The following MID1 variants were observed in gnomAD, a reference collection of about 807,000 sequenced individuals.
MID1 encodes the protein E3 ubiquitin-protein ligase Midline-1.
Under a neutral mutation model 40.4 loss-of-function variants are expected in MID1, and 7 were observed. That is an observed-to-expected ratio of 0.17 (90% CI 0.10 to 0.33). MID1 has a LOEUF of 0.33. Ranked by LOEUF, MID1 falls within the 10% of genes least tolerant of loss-of-function variation. The probability of loss-of-function intolerance (pLI) is 1.00; values close to 1 mark genes in which losing one functional copy is unlikely to be tolerated. For synonymous variants in MID1, 229 were observed against 221.2 expected, an observed-to-expected ratio of 1.04 and a Z score of -0.31; for missense variants, 367 against 558.5, an observed-to-expected ratio of 0.66 and a Z score of 3.46.
In MID1 at chrX:10,508,689, A is replaced by G. The variant is rs188441037; in HGVS notation, c.757-12998T>C. 4.5e-5 allele frequency among the ~76,000 whole-genome samples: 5 copies of G among 111,838 alleles called. 1 individual carries two copies. The Admixed American group carries it at 4.7e-4, about 11-fold the overall frequency. On this transcript the variant is annotated intron_variant, in intron 3 of 9. Coordinates refer to ENST00000317552, the MANE Select transcript of MID1 (RefSeq NM_000381.4). ...AAAAGGCACCAGGGAAGAGAGGCAAAAGAACATTTTTGCAAGACAGAGGAA... is the reference window on the plus strand; with the variant it reads ...AAAAGGCACCAGGGAAGAGAGGCAAGAGAACATTTTTGCAAGACAGAGGAA...
intron 1 of MID1, among the ~76,000 whole-genome samples, chrX:10,702,788 G>T (rs151047992): frequency 8.9e-6 from 1 of 112,094 alleles, no homozygotes. Context: ...ACCCCCAGTG[G>T]GGTTGTATTG....
At chrX:10,803,501 C>G (rs1404185041) in intron 1 of MID1, among the ~76,000 whole-genome samples, 1 of 109,528 alleles carries the variant, frequency 9.1e-6, no homozygotes, top group Non-Finnish European at 1.9e-5. Flanking sequence ...TTCCGGCATG[C>G]ACCACCACGC....
At chrX:10,765,937 GGAAAGGAAAGAAAGAAAGAAAGAAAGAAA>G (rs2043720734) in intron 1 of MID1, among the ~76,000 whole-genome samples, 2 of 72,203 alleles carry the variant, frequency 2.8e-5, no homozygotes, top group East Asian at 3.9e-4. Flanking sequence ...GGAAAGGAAA[GGAAAGGAAAGAAAGAAAGAAAGAAAGAAA>G]GAAAGAAAGA....
intron 3 of MID1, chrX:10,505,331 C>T (rs1931776391): frequency 1.3e-6 from 1 of 752,491 alleles, no homozygotes; most frequent in Non-Finnish European, 1.6e-6. Flanking sequence ...AATATCACAG[C>T]CTTTTCTTTT....
At chrX:10,591,382 C>T (rs1182857158) in intron 1 of MID1, among the ~76,000 whole-genome samples, 3 of 112,511 alleles carry the variant, frequency 2.7e-5, no homozygotes, top group Non-Finnish European at 5.6e-5. Flanking sequence ...TAGTTCCGAA[C>T]AATTCTGCCA....
intron 2 of MID1, among the ~76,000 whole-genome samples, chrX:10,540,824 G>A (rs1320085357): frequency 8.9e-6 from 1 of 112,015 alleles, no homozygotes; most frequent in East Asian, 2.8e-4. Context: ...TCAAAGCACC[G>A]AACACAGTAT....
intron 1 of MID1, among the ~76,000 whole-genome samples, chrX:10,774,736 T>G (rs773246461): frequency 8.1e-5 from 9 of 111,485 alleles, no homozygotes; most frequent in African/African-American, 2.3e-4. Flanking sequence ...CTAAAATTAA[T>G]GTACCTTGAA....
Position 10,763,769 on chromosome X carries a change from G to T in MID1, c.-187+69785C>A, listed in dbSNP as rs759831161. Among the ~76,000 whole-genome samples, 222 of 111,534 alleles carry T rather than the reference G, an allele frequency of 2.0e-3. 2 individuals carry two copies. The highest frequency in any genetic ancestry group is 6.8e-3 in the African/African-American group (209 of 30,640). ...GTCTTCCACAATGGTTGAACTAGTT[G>T]ACAGTCCCACCAACAGTGTAAAAGT... On this transcript the variant is annotated intron_variant, in intron 1 of 10. Coordinates refer to the MID1 transcript ENST00000380785.
At chrX:10,484,819 G>A (rs1930529291) in intron 4 of MID1, among the ~76,000 whole-genome samples, 1 of 111,687 alleles carries the variant, frequency 9.0e-6, no homozygotes, top group Admixed American at 9.5e-5. Flanking sequence ...GGACAGTCAG[G>A]ACTAGCCTTT....
rs371728204 is a variant in MID1 at position 10,526,292 on chromosome X, TAAC to T, written c.661-3108_661-3106del. Among the ~76,000 whole-genome samples the T allele has an allele frequency of 5.5e-3, 604 of 110,220 alleles. 4 individuals are homozygous for T. Among genetic ancestry groups the T allele is most frequent in the African/African-American group, 0.019 (561 of 30,210 alleles). On this transcript the variant is annotated intron_variant, in intron 2 of 9. Coordinates refer to ENST00000317552, the MANE Select transcript of MID1 (RefSeq NM_000381.4). Reference sequence around the variant, plus strand: ...CTTGCATCAAAGAAAAACTTGCTTTTAACAACAACAACAACAACAACAAAAGCC... The same window carrying T: ...CTTGCATCAAAGAAAAACTTGCTTTTAACAACAACAACAACAACAAAAGCC...
intron 1 of MID1, among the ~76,000 whole-genome samples, chrX:10,690,004 T>A (rs767507971): frequency 3.3e-4 from 34 of 102,496 alleles, no homozygotes; most frequent in Non-Finnish European, 6.3e-4. Context: ...AAATTTGGAG[T>A]GCTTGTTAAC....
chrX:10,766,639 G>C (rs1388048360), intron 1 of MID1, among the ~76,000 whole-genome samples: 2 of 111,932 alleles, frequency 1.8e-5, no homozygotes, highest in Non-Finnish European at 3.8e-5. Flanking sequence ...ACTGGGTAGG[G>C]CTGGACATGG....
At chrX:10,679,414 A>T (rs1177938189) in intron 1 of MID1, among the ~76,000 whole-genome samples, 2 of 111,941 alleles carry the variant, frequency 1.8e-5, no homozygotes, top group African/African-American at 6.5e-5. Flanking sequence ...CAGACGTGAG[A>T]TTCCTGTAGG....
At chrX:10,564,998 G>C (rs1253792172) in intron 2 of MID1, among the ~76,000 whole-genome samples, 12 of 26,059 alleles carry the variant, frequency 4.6e-4, no homozygotes, top group African/African-American at 1.5e-3. Context: ...AACCAAAAAA[G>C]GGGTAAAAAA....
intron 1 of MID1, among the ~76,000 whole-genome samples, chrX:10,821,872 T>A (rs2044176731): frequency 9.0e-6 from 1 of 111,393 alleles, no homozygotes; most frequent in South Asian, 3.8e-4. Flanking sequence ...CTCTTCTTGA[T>A]CCCTTAGTCC....
chrX:10,812,105 C>T (rs1162524254), intron 1 of MID1, among the ~76,000 whole-genome samples: 1 of 111,529 alleles, frequency 9.0e-6, no homozygotes, highest in Non-Finnish European at 1.9e-5. Context: ...TACAAAATAT[C>T]AGTGAGAGGT....
intron 7 of MID1, among the ~76,000 whole-genome samples, chrX:10,463,137 T>TGATA (rs1461389071): frequency 8.9e-6 from 1 of 112,493 alleles, no homozygotes; most frequent in Non-Finnish European, 1.9e-5. Context: ...ATCTAGTTAT[T>TGATA]GATAAGCAAT....
At chrX:10,532,896 T>C (rs1026650939) in intron 2 of MID1, among the ~76,000 whole-genome samples, 8 of 102,558 alleles carry the variant, frequency 7.8e-5, no homozygotes, top group Admixed American at 3.1e-4. Flanking sequence ...GCCTCCCGAG[T>C]AGCTGGGATT....
chrX:10,660,246 T>C (rs190293216), intron 1 of MID1, among the ~76,000 whole-genome samples: 21 of 112,815 alleles, frequency 1.9e-4, no homozygotes, highest in Admixed American at 5.6e-4. Context: ...GGAACTTTTC[T>C]GTTTCAGGGA....
Sources: allele counts gnomAD v4.1 joint callset (sites outside exome capture counted in the v4.1 genomes callset), GRCh38; gene constraint gnomAD v4.1.1; transcripts MANE v1.5; gene names NCBI Gene and HGNC (gene_info 2026-07-23, HGNC 2026-07-21).